The following PACRG variants were observed in gnomAD, a reference collection of about 807,000 sequenced individuals.
PACRG encodes the protein parkin coregulated.
Under a neutral mutation model 29.7 loss-of-function variants are expected in PACRG, and 29 were observed. That is an observed-to-expected ratio of 0.98 (90% CI 0.73 to 1.33). PACRG has a LOEUF of 1.33. PACRG is among the 40% of genes most tolerant of loss of function. PACRG has a pLI of 0.00. For missense variants in PACRG, 279 were observed against 316.2 expected, an observed-to-expected ratio of 0.88 and a Z score of 0.89; for synonymous variants, 116 against 118.7, an observed-to-expected ratio of 0.98 and a Z score of 0.15.
In PACRG at chr6:162,895,106, C is replaced by T. The variant is rs182729341; in HGVS notation, c.291+80825C>T. ...TGAGATCCCCGTCTCTACCCCCCCGCCCCCAAAAAAAAATTTAGCCATGTG... is the reference window on the plus strand; with the variant it reads ...TGAGATCCCCGTCTCTACCCCCCCGTCCCCAAAAAAAAATTTAGCCATGTG... On this transcript the variant is annotated intron_variant, in intron 2 of 4. Coordinates refer to ENST00000366888, the MANE Select transcript of PACRG (RefSeq NM_001080379.2). Among the ~76,000 whole-genome samples the T allele has an allele frequency of 1.6e-3, 224 of 144,514 alleles. 2 individuals are homozygous for T. The East Asian group carries it at 0.019, about 12-fold the overall frequency. The allele number at this position is 144,514 out of a possible 152,430, so 94.8% of individuals were successfully genotyped here.
intron 4 of PACRG, among the ~76,000 whole-genome samples, chr6:163,267,228 A>C (rs1449847545): frequency 6.6e-6 from 1 of 152,190 alleles, no homozygotes; most frequent in East Asian, 1.9e-4. Flanking sequence ...GCATTCTTCC[A>C]TGAGCTCTGG....
At chr6:163,258,664 G>A (rs1783208003) in intron 4 of PACRG, among the ~76,000 whole-genome samples, 1 of 151,880 alleles carries the variant, frequency 6.6e-6, no homozygotes, top group African/African-American at 2.4e-5. Flanking sequence ...GGCTGAGGCA[G>A]GAGAATGGCG....
rs147896247 is a variant in PACRG, at chr6:163,161,393, G to A, written c.613+71985G>A. On this transcript the variant is annotated intron_variant, in intron 4 of 4. Transcript: ENST00000366888. Reference sequence around the variant, plus strand: ...GTTTGGTTTGGGTTTGGTTTACTGTGTAATGTGATGCCTCGCAGAACATGC... The same window carrying A: ...GTTTGGTTTGGGTTTGGTTTACTGTATAATGTGATGCCTCGCAGAACATGC... Among the ~76,000 whole-genome samples the A allele has an allele frequency of 5.1e-4, 77 of 152,228 alleles. 2 individuals carry two copies. The East Asian group carries it at 0.013, about 26-fold the overall frequency.
At chr6:162,916,352 G>A (rs564230440) in intron 2 of PACRG, among the ~76,000 whole-genome samples, 2 of 152,216 alleles carry the variant, frequency 1.3e-5, no homozygotes, top group East Asian at 3.9e-4. Context: ...GGACTATGAT[G>A]TGTTTGGTCA....
intron 4 of PACRG, among the ~76,000 whole-genome samples, chr6:163,288,337 TA>T (rs1784468083): frequency 6.6e-6 from 1 of 152,200 alleles, no homozygotes. Flanking sequence ...TCATTAAAGG[TA>T]GACGTCACAG....
intron 4 of PACRG, among the ~76,000 whole-genome samples, chr6:163,178,307 G>C (rs921552505): frequency 6.6e-6 from 1 of 152,168 alleles, no homozygotes; most frequent in Non-Finnish European, 1.5e-5. Flanking sequence ...CTCACAGCTC[G>C]GCGTGGCACG....
Position 163,045,621 on chromosome 6 carries a change from CTTTTTTTTTT to C in PACRG, c.292-16519_292-16510del, listed in dbSNP as rs11326242. On this transcript the variant is annotated intron_variant, in intron 2 of 4. Coordinates refer to ENST00000366888, the MANE Select transcript of PACRG (RefSeq NM_001080379.2). ...TACAGGTGTGAGCTACTGCGCCCAG[CTTTTTTTTTT>C]TTTTTTTTTGAGATGGAGTCTCGCT... Among the ~76,000 whole-genome samples the C allele has an allele frequency of 2.5e-4, 26 of 105,872 alleles. 2 individuals are homozygous for C. In the South Asian group the frequency reaches 9.1e-3, roughly 37 times the overall value. 69.5% of individuals were successfully genotyped at this position (105,872 alleles called of 152,430 possible). A position where few individuals can be genotyped will look rare whatever the true frequency, so the allele number is the denominator to read the frequency against.
chr6:162,784,547 T>C lies in PACRG; in HGVS notation c.157-29600T>C, dbSNP rs529122325. Among the ~76,000 whole-genome samples, 22 of 152,320 alleles carry C rather than the reference T, an allele frequency of 1.4e-4. 1 individual carries two copies. The East Asian group carries it at 4.3e-3, about 29-fold the overall frequency. ...TTTTTTGTTTGTTGTTTGTTTGTTT[T>C]ATTGTTGTTTGTCATAGCAAATTCT... is the stretch of plus-strand genomic sequence containing the variant. On this transcript the variant is annotated intron_variant, in intron 1 of 4. Transcript: ENST00000366888.
chr6:162,972,430 G>A (rs763150890), intron 2 of PACRG, among the ~76,000 whole-genome samples: 4 of 151,622 alleles, frequency 2.6e-5, no homozygotes, highest in Non-Finnish European at 4.4e-5. Context: ...TTTTTTTATC[G>A]TGGTCAAAAC....
rs545503097 is a variant in PACRG at position 163,086,315 on chromosome 6, TCATGGTGA to T, written c.464-2943_464-2936del. Among the ~76,000 whole-genome samples the T allele has an allele frequency of 2.9e-4, 44 of 152,342 alleles. 1 individual carries two copies. The South Asian group carries it at 8.5e-3, about 29-fold the overall frequency. On this transcript the variant is annotated intron_variant, in intron 3 of 4. Coordinates refer to ENST00000366888, the MANE Select transcript of PACRG (RefSeq NM_001080379.2). Reference sequence around the variant, plus strand: ...GCGTGCCTTCTTCCTCCTCACCTTCTCATGGTGATCTGAAACCTTGTTCTTGAATATCT... The same window carrying T: ...GCGTGCCTTCTTCCTCCTCACCTTCTTCTGAAACCTTGTTCTTGAATATCT...
At chr6:162,814,103 G>A (rs1477373740) in intron 1 of PACRG, 44 bp from the exon 2 acceptor site, 1 of 1,510,594 alleles carries the variant, frequency 6.6e-7, no homozygotes, top group East Asian at 2.3e-5. Context: ...AATTTTTTTA[G>A]TATGTCTTAA....
chr6:162,758,116 C>A (rs1782069918), intron 1 of PACRG, among the ~76,000 whole-genome samples: 1 of 151,866 alleles, frequency 6.6e-6, no homozygotes, highest in Non-Finnish European at 1.5e-5. Flanking sequence ...AAATATAAAC[C>A]AAATTAAAAA....
chr6:163,237,357 C>T (rs1782288256), intron 4 of PACRG, among the ~76,000 whole-genome samples: 1 of 151,992 alleles, frequency 6.6e-6, no homozygotes, highest in Non-Finnish European at 1.5e-5. Context: ...ATTTTATTTT[C>T]TTGATAGACA....
intron 2 of PACRG, among the ~76,000 whole-genome samples, chr6:163,021,146 C>T (rs984538136): frequency 5.9e-5 from 9 of 152,172 alleles, no homozygotes; most frequent in African/African-American, 2.2e-4. Context: ...CAAAGTCACA[C>T]CTCCAGACAC....
chr6:162,863,832 A>T (rs886659381), intron 2 of PACRG, among the ~76,000 whole-genome samples: 1 of 152,234 alleles, frequency 6.6e-6, no homozygotes, highest in Non-Finnish European at 1.5e-5. Flanking sequence ...TAAATTATTC[A>T]TGCTCTCATA....
chr6:163,279,121 G>A (rs543367329), intron 4 of PACRG, among the ~76,000 whole-genome samples: 29 of 152,268 alleles, frequency 1.9e-4, no homozygotes, highest in East Asian at 7.7e-4. Context: ...TTGAGTTCCC[G>A]ATTTGATTCT....
chr6:163,029,751 C>G (rs570367172), intron 2 of PACRG, among the ~76,000 whole-genome samples: 1 of 152,286 alleles, frequency 6.6e-6, no homozygotes, highest in South Asian at 2.1e-4. Context: ...CCTCTGCAGA[C>G]TACATGGGGA....
At chr6:163,062,427 T>C in intron 3 of PACRG, 106 bp downstream of exon 3, 1 of 1,283,410 alleles carries the variant, frequency 7.8e-7, no homozygotes, top group East Asian at 2.6e-5. Context: ...TCCCCAGTTT[T>C]GCAGGAATTT....
At chr6:162,963,057 G>T (rs1315458312) in intron 2 of PACRG, among the ~76,000 whole-genome samples, 1 of 152,140 alleles carries the variant, frequency 6.6e-6, no homozygotes, top group Non-Finnish European at 1.5e-5. Flanking sequence ...ATAAGATGAA[G>T]ATGTCTAGGA....
Sources: allele counts gnomAD v4.1 joint callset (sites outside exome capture counted in the v4.1 genomes callset), GRCh38; gene constraint gnomAD v4.1.1; transcripts MANE v1.5; gene names NCBI Gene and HGNC (gene_info 2026-07-23, HGNC 2026-07-21).